The following SPIRE1 variants were observed in gnomAD, a reference collection of about 807,000 sequenced individuals.
The protein encoded by SPIRE1 is protein spire homolog 1.
In SPIRE1, 40 loss-of-function variants were observed where a neutral mutation model predicts 94.1. That is an observed-to-expected ratio of 0.43 (90% CI 0.33 to 0.55). SPIRE1 has a LOEUF of 0.55. SPIRE1 is among the 20% of genes least tolerant of loss of function. SPIRE1 has a pLI of 0.06. For synonymous variants in SPIRE1, 376 were observed against 371.7 expected, an observed-to-expected ratio of 1.01 and a Z score of -0.13; for missense variants, 838 against 975.2, an observed-to-expected ratio of 0.86 and a Z score of 1.87.
At chr18:12,552,888 G>A (rs1449822813) in intron 2 of SPIRE1, among the ~76,000 whole-genome samples, 3 of 152,024 alleles carry the variant, frequency 2.0e-5, no homozygotes, top group South Asian at 2.1e-4. Flanking sequence ...TTTTGTCTGC[G>A]GCTCTTCCTG....
intron 11 of SPIRE1, 129 bp downstream of exon 11, chr18:12,464,739 T>A (rs887602096): frequency 2.2e-5 from 15 of 687,700 alleles, no homozygotes; most frequent in African/African-American, 1.3e-4. Flanking sequence ...CATCTCCCGA[T>A]CAGTGAAATG....
intron 2 of SPIRE1, among the ~76,000 whole-genome samples, chr18:12,579,049 A>AT (rs201069792): frequency 7.3e-5 from 11 of 151,718 alleles, no homozygotes; most frequent in South Asian, 4.2e-4. Context: ...GTCTTTTTGA[A>AT]TTTTTTTTTA....
chr18:12,635,563 GCTGA>G (rs773336624), intron 1 of SPIRE1, among the ~76,000 whole-genome samples: 3 of 152,202 alleles, frequency 2.0e-5, no homozygotes, highest in East Asian at 3.9e-4. Context: ...TTTAATATAT[GCTGA>G]CTGTTTTTCT....
Position 12,449,539 on chromosome 18 carries a change from C to T in SPIRE1, c.*99G>A. On this transcript the variant is annotated 3_prime_UTR_variant, in exon 17 of 17. Transcript: ENST00000409402. Reference sequence around the variant, plus strand: ...AAATCTGATCTAATGCAAATTCAAGCCCATTAAATAAAACCACAGAAAGGA... The same window carrying T: ...AAATCTGATCTAATGCAAATTCAAGTCCATTAAATAAAACCACAGAAAGGA... The T allele has an allele frequency of 8.1e-7, 1 of 1,230,540 alleles. No individual in the cohort carries two copies. The highest frequency in any genetic ancestry group is 1.1e-6 in the Non-Finnish European group (1 of 891,520). The allele number at this position is 1,230,540 out of a possible 1,614,324, so 76.2% of individuals were successfully genotyped here. A position where few individuals can be genotyped will look rare whatever the true frequency, so the allele number is the denominator to read the frequency against.
At chr18:12,512,306 G>T (rs2034058923) in intron 5 of SPIRE1, 148 bp downstream of exon 5, 1 of 557,806 alleles carries the variant, frequency 1.8e-6, no homozygotes, top group Admixed American at 3.4e-5. Context: ...GGGGGTTGCA[G>T]TACCCGGGAG....
chr18:12,511,222 C>A (rs2034026061), intron 5 of SPIRE1, among the ~76,000 whole-genome samples: 1 of 152,162 alleles, frequency 6.6e-6, no homozygotes, highest in African/African-American at 2.4e-5. Context: ...GGTTTGCAAC[C>A]CCCAGTCCAC....
intron 4 of SPIRE1, among the ~76,000 whole-genome samples, chr18:12,530,750 T>C (rs1460205352): frequency 1.3e-5 from 2 of 152,176 alleles, no homozygotes; most frequent in Admixed American, 1.3e-4. Context: ...ATATAAATAT[T>C]TCAAATTATG....
At chr18:12,571,649 A>C (rs2035963288) in intron 2 of SPIRE1, among the ~76,000 whole-genome samples, 1 of 152,232 alleles carries the variant, frequency 6.6e-6, no homozygotes, top group African/African-American at 2.4e-5. Context: ...CTTTAATAAA[A>C]TACTTTGTCA....
At chr18:12,605,321 A>G (rs2036944335) in intron 2 of SPIRE1, among the ~76,000 whole-genome samples, 1 of 152,188 alleles carries the variant, frequency 6.6e-6, no homozygotes, top group Admixed American at 6.5e-5. Context: ...AATGGTCAAC[A>G]TGGTGAAACC....
At chr18:12,611,788 G>A (rs569110551) in intron 2 of SPIRE1, among the ~76,000 whole-genome samples, 13 of 151,936 alleles carry the variant, frequency 8.6e-5, no homozygotes, top group African/African-American at 9.6e-5. Flanking sequence ...CTCAGCCCCT[G>A]GAGTAGCTGG....
intron 2 of SPIRE1, among the ~76,000 whole-genome samples, chr18:12,554,170 G>A (rs1017250508): frequency 2.6e-5 from 4 of 151,784 alleles, no homozygotes; most frequent in Admixed American, 1.3e-4. Flanking sequence ...ATGATGGCAC[G>A]TGTCTGTAAT....
chr18:12,471,785 A>ATCT (rs939393502), intron 10 of SPIRE1, among the ~76,000 whole-genome samples: 18 of 152,064 alleles, frequency 1.2e-4, no homozygotes, highest in Non-Finnish European at 1.9e-4. Flanking sequence ...CTGTTTTGTT[A>ATCT]TCTTCTTCTT....
At chr18:12,538,887 T>C (rs2034921091) in intron 3 of SPIRE1, among the ~76,000 whole-genome samples, 1 of 152,126 alleles carries the variant, frequency 6.6e-6, no homozygotes, top group Non-Finnish European at 1.5e-5. Flanking sequence ...TGTTTCTACC[T>C]TCAAAATATA....
intron 12 of SPIRE1, chr18:12,459,946 GA>G (rs2031708580): frequency 1.0e-6 from 1 of 984,326 alleles, no homozygotes; most frequent in East Asian, 1.1e-4. Context: ...ACAGATAAGG[GA>G]AAAAGAAAAT....
chr18:12,615,345 A>AAAAAAAATATATATAT, intron 2 of SPIRE1, among the ~76,000 whole-genome samples: 9 of 17,240 alleles, frequency 5.2e-4, no homozygotes, highest in Non-Finnish European at 1.3e-3. Flanking sequence ...AAAAAAAAAA[A>AAAAAAAATATATATAT]ATATATATAT....
chr18:12,639,752 TA>T (rs1208582433), intron 1 of SPIRE1, among the ~76,000 whole-genome samples: 1 of 144,414 alleles, frequency 6.9e-6, no homozygotes, highest in Non-Finnish European at 1.5e-5. Context: ...AATAAATAAA[TA>T]AAAATAAAAA....
chr18:12,471,040 C>G (rs1350036200), intron 10 of SPIRE1, among the ~76,000 whole-genome samples: 1 of 150,236 alleles, frequency 6.7e-6, no homozygotes, highest in Non-Finnish European at 1.5e-5. Context: ...TCAGACACAG[C>G]TCCTTTGCTT....
intron 4 of SPIRE1, among the ~76,000 whole-genome samples, chr18:12,521,951 C>T (rs1468199855): frequency 6.6e-6 from 1 of 152,166 alleles, no homozygotes; most frequent in Admixed American, 6.5e-5. Flanking sequence ...CTCCTGGGGC[C>T]TCCCTATTCC....
At chr18:12,651,686 C>CAA (rs113403601) in intron 1 of SPIRE1, among the ~76,000 whole-genome samples, 32 of 151,884 alleles carry the variant, frequency 2.1e-4, no homozygotes, top group African/African-American at 7.7e-4. Flanking sequence ...AAAACAAAAA[C>CAA]AAAAAAAACA....
Sources: gnomAD v4.1 joint callset for allele counts (sites outside exome capture counted in the v4.1 genomes callset) on GRCh38, gnomAD v4.1.1 for gene constraint, MANE v1.5 for transcripts, NCBI Gene and HGNC (gene_info 2026-07-23, HGNC 2026-07-21) for gene names.